Variants in GHR observed in about 807,000 individuals in gnomAD.
The protein encoded by GHR is GH receptor.
A neutral mutation model predicts 67.1 loss-of-function variants in GHR; 35 were observed. That is an observed-to-expected ratio of 0.52 (90% CI 0.40 to 0.69). The LOEUF is 0.69. Among genes scored for constraint, GHR ranks in the 30% least tolerant of loss-of-function variants. GHR has a pLI of 0.00. For synonymous variants in GHR, 272 were observed against 269.1 expected, an observed-to-expected ratio of 1.01 and a Z score of -0.10; for missense variants, 792 against 764.6, an observed-to-expected ratio of 1.04 and a Z score of -0.42.
At chr5:42,552,588 C>G (rs1308203403) in intron 1 of GHR, among the ~76,000 whole-genome samples, 2 of 152,232 alleles carry the variant, frequency 1.3e-5, no homozygotes, top group African/African-American at 4.8e-5. Flanking sequence ...CTCTAGGGGC[C>G]TGATTTATCT....
At chr5:42,474,962 C>T (rs888837739) in intron 1 of GHR, among the ~76,000 whole-genome samples, 4 of 144,964 alleles carry the variant, frequency 2.8e-5, no homozygotes, top group African/African-American at 7.8e-5. Context: ...TGGCTCATTG[C>T]AACTTCCGCC....
intron 3 of GHR, among the ~76,000 whole-genome samples, chr5:42,671,976 A>T (rs1231545605): frequency 1.3e-5 from 2 of 151,272 alleles, no homozygotes; most frequent in Admixed American, 1.3e-4. Flanking sequence ...AAAAAAAGAA[A>T]CTAGGCATTG....
intron 1 of GHR, among the ~76,000 whole-genome samples, chr5:42,559,912 TGGGTTA>T (rs1455164368): frequency 1.3e-5 from 2 of 152,330 alleles, no homozygotes; most frequent in Non-Finnish European, 2.9e-5. Flanking sequence ...AATGCCCTTT[TGGGTTA>T]GCTTCTTCCT....
chr5:42,593,167 G>T (rs1387012748), intron 2 of GHR, among the ~76,000 whole-genome samples: 6 of 152,098 alleles, frequency 3.9e-5, no homozygotes, highest in Non-Finnish European at 5.9e-5. Context: ...AAAATTTTCA[G>T]CTGTGTGATT....
chr5:42,530,781 T>C (rs1747931546), intron 1 of GHR, among the ~76,000 whole-genome samples: 1 of 152,196 alleles, frequency 6.6e-6, no homozygotes, highest in African/African-American at 2.4e-5. Context: ...TCTTGTTTTT[T>C]CACTTCTTTC....
chr5:42,517,203 T>C (rs1747276991), intron 1 of GHR, among the ~76,000 whole-genome samples: 1 of 152,194 alleles, frequency 6.6e-6, no homozygotes, highest in Admixed American at 6.5e-5. Flanking sequence ...AATGGACTAA[T>C]TGGAGGGTTG....
intron 6 of GHR, among the ~76,000 whole-genome samples, chr5:42,709,262 T>C (rs920678758): frequency 2.6e-5 from 4 of 152,138 alleles, no homozygotes; most frequent in Non-Finnish European, 5.9e-5. Context: ...GACTCCTGAG[T>C]AGCTAGGATT....
chr5:42,461,335 C>T (rs1414472151), intron 1 of GHR, among the ~76,000 whole-genome samples: 1 of 152,192 alleles, frequency 6.6e-6, no homozygotes, highest in Non-Finnish European at 1.5e-5. Context: ...TTCTCCAAGG[C>T]TCTTAGAATA....
intron 6 of GHR, among the ~76,000 whole-genome samples, chr5:42,704,954 C>A (rs1758105502): frequency 6.6e-6 from 1 of 151,414 alleles, no homozygotes; most frequent in Non-Finnish European, 1.5e-5. Flanking sequence ...TTTATCTTTT[C>A]AAAAAAACTT....
intron 1 of GHR, chr5:42,467,334 A>C: frequency 9.3e-7 from 1 of 1,072,548 alleles, no homozygotes; most frequent in South Asian, 1.3e-5. Context: ...GCTGATGTAC[A>C]ATAAGATTTG....
intron 1 of GHR, among the ~76,000 whole-genome samples, chr5:42,502,686 G>T (rs1338031350): frequency 1.3e-5 from 2 of 151,562 alleles, no homozygotes; most frequent in Admixed American, 6.6e-5. Context: ...CATCCTGTTG[G>T]CACAGGATGG....
intron 2 of GHR, among the ~76,000 whole-genome samples, chr5:42,576,856 T>G (rs1356210852): frequency 2.6e-5 from 4 of 152,218 alleles, no homozygotes; most frequent in Non-Finnish European, 5.9e-5. Context: ...GTGAGTTGAT[T>G]CTGATGCTGG....
At chr5:42,524,641 TG>T (rs1462148004) in intron 1 of GHR, among the ~76,000 whole-genome samples, 1 of 152,172 alleles carries the variant, frequency 6.6e-6, no homozygotes, top group Non-Finnish European at 1.5e-5. Flanking sequence ...CCCTAGACCA[TG>T]GGGAAAATGT....
In GHR at chr5:42,719,782, C is replaced by G. The variant is rs1758931088; in HGVS notation, c.*358C>G. ...TTGAAAAAGCGAAAAAATCAGGTGG[C>G]TTTTGCGGTTCAGGAAAATTGAATG... On this transcript the variant is annotated 3_prime_UTR_variant, in exon 10 of 10. Coordinates refer to ENST00000230882, the MANE Select transcript of GHR (RefSeq NM_000163.5). 1 of 295,270 alleles carries G rather than the reference C, an allele frequency of 3.4e-6. No individual in the cohort carries two copies. Among genetic ancestry groups the G allele is most frequent in the Non-Finnish European group, 6.5e-6 (1 of 153,198 alleles). 18.3% of individuals were successfully genotyped at this position (295,270 alleles called of 1,614,324 possible). A position where few individuals can be genotyped will look rare whatever the true frequency, so the allele number is the denominator to read the frequency against.
rs143568586 is a variant in GHR, at chr5:42,568,771, G to T, written c.70+2827G>T. ...TTTAAAGTCTAGATTGTGTGATGAA[G>T]AGAAATGGTCAAGATGCCCTGAAAA... On this transcript the variant is annotated intron_variant, in intron 2 of 9. Transcript: ENST00000230882. Among the ~76,000 whole-genome samples, 668 of 152,298 alleles carry T rather than the reference G, an allele frequency of 4.4e-3. 4 individuals are homozygous for T. Among genetic ancestry groups the T allele is most frequent in the Middle Eastern group, 0.017 (5 of 294 alleles).
chr5:42,710,260 C>T (rs1204435897), intron 6 of GHR, among the ~76,000 whole-genome samples: 1 of 152,006 alleles, frequency 6.6e-6, no homozygotes, highest in Admixed American at 6.6e-5. Context: ...AAGCTGAAGG[C>T]CCAGCTGCTG....
At chr5:42,458,694 A>G (rs534347292) in intron 1 of GHR, among the ~76,000 whole-genome samples, 14 of 152,230 alleles carry the variant, frequency 9.2e-5, no homozygotes, top group Non-Finnish European at 1.6e-4. Context: ...CTATCAACAG[A>G]GTAAACAGCC....
intron 3 of GHR, among the ~76,000 whole-genome samples, chr5:42,644,901 G>C (rs1754655122): frequency 6.6e-6 from 1 of 152,028 alleles, no homozygotes; most frequent in Admixed American, 6.5e-5. Context: ...TCATCCTCAA[G>C]TAAACACAAT....
At chr5:42,432,124 C>A (rs1743122516) in intron 1 of GHR, among the ~76,000 whole-genome samples, 1 of 152,128 alleles carries the variant, frequency 6.6e-6, no homozygotes, top group Admixed American at 6.5e-5. Flanking sequence ...TTGAAGTAGC[C>A]TATTGAAAAG....
Sources: gnomAD v4.1 joint callset for allele counts (sites outside exome capture counted in the v4.1 genomes callset) on GRCh38, gnomAD v4.1.1 for gene constraint, MANE v1.5 for transcripts, NCBI Gene and HGNC (gene_info 2026-07-23, HGNC 2026-07-21) for gene names.